Variants in TMPRSS11E observed in about 807,000 individuals in gnomAD.
TMPRSS11E encodes the protein transmembrane protease serine 11E.
A neutral mutation model predicts 48.1 loss-of-function variants in TMPRSS11E; 38 were observed. That is an observed-to-expected ratio of 0.79 (90% CI 0.61 to 1.04). The LOEUF is 1.04. Ranked by LOEUF, TMPRSS11E falls within the 50% of genes least tolerant of loss-of-function variation. The pLI, the probability that TMPRSS11E is intolerant of heterozygous loss-of-function variation, is 0.00. For missense variants in TMPRSS11E, 530 were observed against 510.8 expected (o/e 1.04, Z -0.36); for synonymous variants, 158 against 171.9 (o/e 0.92, Z 0.63).
At chr4:68,470,554 T>C (rs771138372) in intron 4 of TMPRSS11E, among the ~76,000 whole-genome samples, 49 of 151,886 alleles carry the variant, frequency 3.2e-4, no homozygotes, top group Non-Finnish European at 5.9e-5. Context: ...GAATGTTTAA[T>C]TTCTAGAAGT....
chr4:68,477,480 A>C lies in TMPRSS11E; in HGVS notation c.819A>C (p.Ser273=), dbSNP rs1398431462. The change falls in exon 8 of 10, where the codon TCA becomes TCC. Residue 273 remains serine (S), a synonymous_variant. Transcript: ENST00000305363. ...TCCATGAAAAATACAAACACCCATC[A>C]CATGACTATGATATTTCTCTTGCAG... ...IIVHEKYKHP[S]HDYDISLAEL... 3 of 1,613,940 alleles carry C rather than the reference A, an allele frequency of 1.9e-6. No homozygotes were observed. The highest frequency in any genetic ancestry group is 2.2e-5 in the East Asian group (1 of 44,876).
intron 2 of TMPRSS11E, among the ~76,000 whole-genome samples, chr4:68,465,935 A>G (rs1003488250): frequency 2.0e-5 from 3 of 152,170 alleles, no homozygotes; most frequent in African/African-American, 7.2e-5. Context: ...CAGCAGGTCA[A>G]AAATGTGGGT....
At chr4:68,457,210 AAAC>A (rs1728656834) in intron 1 of TMPRSS11E, among the ~76,000 whole-genome samples, 1 of 152,186 alleles carries the variant, frequency 6.6e-6, no homozygotes, top group Admixed American at 6.6e-5. Flanking sequence ...TACAAGAAGA[AAAC>A]AACCCCATAA....
Position 68,447,465 on chromosome 4 carries a change from T to TTGGA in TMPRSS11E, c.-45_-42dup. On this transcript the variant is annotated 5_prime_UTR_variant, in exon 1 of 10. The change creates a new upstream start codon in the 5' untranslated region. Transcript: ENST00000305363. ...CATTGATAGAGCTGGATTCACACACTTGGATGTAGACCTCGACCTTCACAG... is the reference window on the plus strand; with the variant it reads ...CATTGATAGAGCTGGATTCACACACTTGGATGGATGTAGACCTCGACCTTCACAG... 1 of 1,599,392 alleles carries TTGGA rather than the reference T, an allele frequency of 6.3e-7. No individual in the cohort carries two copies. Among genetic ancestry groups the TTGGA allele is most frequent in the South Asian group, 1.1e-5 (1 of 89,286 alleles).
At chr4:68,491,649 A>T (rs1321524407) in intron 9 of TMPRSS11E, among the ~76,000 whole-genome samples, 1 of 152,200 alleles carries the variant, frequency 6.6e-6, no homozygotes, top group Non-Finnish European at 1.5e-5. Flanking sequence ...GGAGGGGGCC[A>T]ATAACTGGTT....
At chr4:68,491,862 G>C (rs529143505) in intron 9 of TMPRSS11E, among the ~76,000 whole-genome samples, 1 of 109,588 alleles carries the variant, frequency 9.1e-6, no homozygotes, top group Non-Finnish European at 2.4e-5. Flanking sequence ...TCATGCTTTC[G>C]CATGAACACT....
intron 9 of TMPRSS11E, among the ~76,000 whole-genome samples, chr4:68,485,348 T>C (rs937622932): frequency 1.3e-5 from 2 of 152,106 alleles, no homozygotes; most frequent in African/African-American, 4.8e-5. Flanking sequence ...GGTTTTGCCA[T>C]GTTGGTCAGG....
Position 68,485,150 on chromosome 4 carries a change from C to CT in TMPRSS11E, c.1110+6167dup, listed in dbSNP as rs1196581746. On this transcript the variant is annotated intron_variant, in intron 9 of 9. Coordinates refer to ENST00000305363, the MANE Select transcript of TMPRSS11E (RefSeq NM_014058.4). Reference sequence around the variant, plus strand: ...TGCCTAGTTAGTTCAAGGTTTTTTTCTTTTTTTTCTTTTTGAGACAGAGTC... The same window carrying CT: ...TGCCTAGTTAGTTCAAGGTTTTTTTCTTTTTTTTTCTTTTTGAGACAGAGTC... Among the ~76,000 whole-genome samples the CT allele has an allele frequency of 2.0e-5, 3 of 151,714 alleles. No individual in the cohort carries two copies. In the East Asian group the frequency reaches 5.8e-4, roughly 29 times the overall value.
At chr4:68,492,323 A>G (rs4694429) in intron 9 of TMPRSS11E, among the ~76,000 whole-genome samples, 76,703 of 152,038 alleles carry the variant, frequency 0.5, 21,664 homozygotes, top group Non-Finnish European at 0.65. Context: ...TTTTATGATC[A>G]TTCACAAGCA....
At chr4:68,465,621 A>C (rs1251321779) in intron 2 of TMPRSS11E, among the ~76,000 whole-genome samples, 1 of 152,124 alleles carries the variant, frequency 6.6e-6, no homozygotes, top group Non-Finnish European at 1.5e-5. Context: ...ATGTGAATGT[A>C]CTAGGGACAC....
Position 68,483,322 on chromosome 4 carries a change from C to T in TMPRSS11E, c.1110+4331C>T, listed in dbSNP as rs558750008. ...GATATCGTGACAGTTCACTTGCTAT[C>T]GCAAAGACAGCACTATGCTGTCAGG... On this transcript the variant is annotated intron_variant, in intron 9 of 9. Transcript: ENST00000305363. Among the ~76,000 whole-genome samples the T allele has an allele frequency of 9.2e-5, 14 of 152,272 alleles. No homozygotes were observed. The South Asian group carries it at 1.5e-3, about 16-fold the overall frequency.
chr4:68,477,459 T>G lies in TMPRSS11E; in HGVS notation c.798T>G (p.His266Gln), dbSNP rs773107677. 1 of 1,613,932 alleles carries G rather than the reference T, an allele frequency of 6.2e-7. No homozygotes were observed. The highest frequency in any genetic ancestry group is 2.2e-5 in the East Asian group (1 of 44,888). ...MKRGLRRIIV[H>Q]EKYKHPSHDY... ...GGGGTCTCCGGAGAATAATTGTCCA[T>G]GAAAAATACAAACACCCATCACATG... Residue 266 changes from histidine to glutamine, a missense_variant, in exon 8 of 10, where the codon CAT (histidine) becomes CAG (glutamine). Transcript: ENST00000305363.
intron 8 of TMPRSS11E, among the ~76,000 whole-genome samples, 157 bp from the exon 9 acceptor site, chr4:68,478,692 C>A (rs146940468): frequency 1.1e-4 from 17 of 151,720 alleles, no homozygotes; most frequent in African/African-American, 4.1e-4. Context: ...TGGCTTCAAG[C>A]GATCCTCCAA....
intron 1 of TMPRSS11E, 69 bp from the exon 2 acceptor site, chr4:68,461,752 T>A: frequency 6.2e-7 from 1 of 1,603,632 alleles, no homozygotes. Flanking sequence ...CCCCAAAATA[T>A]CTGTTTTGTC....
At chr4:68,481,897 C>T (rs1053902480) in intron 9 of TMPRSS11E, among the ~76,000 whole-genome samples, 4 of 152,138 alleles carry the variant, frequency 2.6e-5, no homozygotes, top group African/African-American at 9.7e-5. Context: ...CTGCACTGCA[C>T]CCACTGCACT....
chr4:68,461,555 C>T (rs890004024), intron 1 of TMPRSS11E, among the ~76,000 whole-genome samples: 2 of 152,274 alleles, frequency 1.3e-5, no homozygotes, highest in Non-Finnish European at 2.9e-5. Flanking sequence ...TTAATCCTCA[C>T]AATAATCATA....
At position 68,476,439 on chromosome 4, in the gene TMPRSS11E, G is replaced by GT; in HGVS notation, c.707+2dup. 1 of 1,605,630 alleles carries GT rather than the reference G, an allele frequency of 6.2e-7. No individual in the cohort carries two copies. Among genetic ancestry groups the GT allele is most frequent in the Non-Finnish European group, 8.5e-7 (1 of 1,174,700 alleles). On this transcript the variant is annotated splice_donor_variant, in intron 7 of 9. Transcript: ENST00000305363. LOFTEE classifies it high-confidence loss of function. ...TGAGTGCTGCTCACTGTTTTACAAC[G>GT]TAAGTCTTGAAGCTTGAGAATGATT...
At chr4:68,487,448 C>T (rs140470172) in intron 9 of TMPRSS11E, among the ~76,000 whole-genome samples, 1,620 of 151,842 alleles carry the variant, frequency 0.011, 30 homozygotes, top group African/African-American at 0.034. Flanking sequence ...GATGGGATTT[C>T]GCTATGTTGG....
chr4:68,469,008 A>G, intron 4 of TMPRSS11E, 62 bp downstream of exon 4: 2 of 1,231,804 alleles, frequency 1.6e-6, no homozygotes, highest in Non-Finnish European at 2.4e-6. Flanking sequence ...CTGCTCAGCA[A>G]TAAATATGTT....
Sources: gnomAD v4.1 joint callset for allele counts (sites outside exome capture counted in the v4.1 genomes callset) on GRCh38, gnomAD v4.1.1 for gene constraint, MANE v1.5 for transcripts, NCBI Gene and HGNC (gene_info 2026-07-23, HGNC 2026-07-21) for gene names.